The following USH2A variants were observed in gnomAD, a reference collection of about 807,000 sequenced individuals.
The protein encoded by USH2A is Usher syndrome 2A (autosomal recessive, mild).
USH2A carries 443 observed loss-of-function variants against 538.9 expected under a neutral mutation model. The ratio of observed to expected loss-of-function variants is 0.82; its 90% CI spans 0.76 to 0.89. USH2A has a LOEUF of 0.89. USH2A is among the 40% of genes least tolerant of loss of function. The pLI is 0.00. For missense variants in USH2A, 6,633 were observed against 6,324.8 expected, an observed-to-expected ratio of 1.05 and a Z score of -1.65; for synonymous variants, 2,413 against 2,273.5, an observed-to-expected ratio of 1.06 and a Z score of -1.75.
intron 32 of USH2A, among the ~76,000 whole-genome samples, chr1:216,010,929 A>G (rs1476910460): frequency 6.6e-6 from 1 of 152,038 alleles, no homozygotes; most frequent in Non-Finnish European, 1.5e-5. Context: ...TTGGCGACGG[A>G]TCATGCGCCC....
rs1341078203 is a variant in USH2A at position 216,190,268 on chromosome 1, C to A, written c.4351G>T (p.Gly1451Cys). 1.9e-6 allele frequency: 3 copies of A among 1,612,532 alleles called. No homozygotes were observed. The highest frequency in any genetic ancestry group is 2.5e-6 in the Non-Finnish European group (3 of 1,179,110). ...EFTITLCNSV[G>C]CVTSASGAGQ... ...GCTCCCGAAGCACTGGTCACACAAC[C>A]AACTGAATTGCAGAGAGTAATAGTA... The change falls in exon 20 of 72, where the codon GGT becomes TGT. Residue 1451 changes from glycine to cysteine, a missense_variant. Coordinates refer to ENST00000307340, the MANE Select transcript of USH2A (RefSeq NM_206933.4).
At chr1:215,959,105 C>A (rs1667137514) in intron 37 of USH2A, among the ~76,000 whole-genome samples, 1 of 151,926 alleles carries the variant, frequency 6.6e-6, no homozygotes, top group Admixed American at 6.6e-5. Context: ...ATCATCTGCT[C>A]TTGTGAGCTA....
At chr1:216,027,684 C>T (rs1160057291) in intron 32 of USH2A, among the ~76,000 whole-genome samples, 1 of 152,110 alleles carries the variant, frequency 6.6e-6, no homozygotes, top group Non-Finnish European at 1.5e-5. Context: ...TCCTCAAATT[C>T]ACTAGTTCAC....
intron 37 of USH2A, among the ~76,000 whole-genome samples, chr1:215,952,247 A>G (rs1310065666): frequency 2.0e-5 from 3 of 152,120 alleles, no homozygotes; most frequent in African/African-American, 4.8e-5. Flanking sequence ...ATCTTCCTCC[A>G]TCCCTTTATT....
At chr1:216,005,296 A>G (rs935619854) in intron 32 of USH2A, among the ~76,000 whole-genome samples, 1 of 152,112 alleles carries the variant, frequency 6.6e-6, no homozygotes, top group African/African-American at 2.4e-5. Flanking sequence ...ATTGAACAAT[A>G]TGGCCACCAT....
chr1:215,900,701 TTA>T (rs1665470512), intron 39 of USH2A, 52 bp downstream of exon 39: 8 of 1,611,704 alleles, frequency 5.0e-6, no homozygotes, highest in Middle Eastern at 1.7e-4. Context: ...TTCAAAAATG[TTA>T]TGTCTATATT....
intron 21 of USH2A, among the ~76,000 whole-genome samples, chr1:216,108,682 T>C (rs1399136314): frequency 1.3e-5 from 2 of 152,054 alleles, no homozygotes; most frequent in Non-Finnish European, 2.9e-5. Flanking sequence ...TACTTCATAA[T>C]GATATGTGTT....
intron 4 of USH2A, 49 bp downstream of exon 4, chr1:216,364,904 A>T (rs762236335): frequency 1.2e-6 from 2 of 1,608,836 alleles, no homozygotes; most frequent in Non-Finnish European, 1.7e-6. Context: ...CATTTTTAAG[A>T]ACAATGTAAT....
At chr1:216,094,101 C>A (rs1413855315) in intron 22 of USH2A, among the ~76,000 whole-genome samples, 1 of 152,140 alleles carries the variant, frequency 6.6e-6, no homozygotes, top group Non-Finnish European at 1.5e-5. Context: ...TCTCCAGATA[C>A]TAACAGGTTG....
chr1:215,873,929 T>C (rs1664686978), intron 43 of USH2A, among the ~76,000 whole-genome samples: 1 of 152,176 alleles, frequency 6.6e-6, no homozygotes, highest in Non-Finnish European at 1.5e-5. Flanking sequence ...ACAGTCAATA[T>C]TTTCTCTATA....
rs770686242 is a variant in USH2A at position 216,199,839 on chromosome 1, C to G, written c.3599G>C (p.Gly1200Ala). 6.2e-7 allele frequency: 1 copy of G among 1,614,100 alleles called. No individual in the cohort carries two copies. The highest frequency in any genetic ancestry group is 8.5e-7 in the Non-Finnish European group (1 of 1,179,994). The change falls in exon 17 of 72, where the codon GGT becomes GCT. Residue 1200 changes from glycine (G) to alanine (A), a missense_variant. Coordinates refer to ENST00000307340, the MANE Select transcript of USH2A (RefSeq NM_206933.4). Reference protein sequence around the residue: ...AGGQPCVSYEGHETSATIWNL... With the variant: ...AGGQPCVSYEAHETSATIWNL... ...CCAGATGGTAGCTGAGGTTTCATGACCTTCGTAGGAAACACATGGCTGACC... is the reference window on the plus strand; with the variant it reads ...CCAGATGGTAGCTGAGGTTTCATGAGCTTCGTAGGAAACACATGGCTGACC...
intron 47 of USH2A, among the ~76,000 whole-genome samples, chr1:215,835,862 A>G (rs878885801): frequency 2.0e-5 from 3 of 151,702 alleles, no homozygotes; most frequent in Admixed American, 6.6e-5. Context: ...TTGTGTTGCA[A>G]TCTCTTTTCT....
intron 54 of USH2A, among the ~76,000 whole-genome samples, chr1:215,781,489 C>G (rs1571680697): frequency 6.6e-6 from 1 of 151,946 alleles, no homozygotes; most frequent in Admixed American, 6.6e-5. Flanking sequence ...AATTGAGTAC[C>G]AAGTTTTGTA....
chr1:216,338,797 TA>T (rs1308904962), intron 4 of USH2A, among the ~76,000 whole-genome samples: 1 of 151,598 alleles, frequency 6.6e-6, no homozygotes, highest in African/African-American at 2.4e-5. Flanking sequence ...TTTTAATAGT[TA>T]CTAAAGAAAT....
chr1:215,678,992 G>T (rs1293426799), intron 62 of USH2A, among the ~76,000 whole-genome samples: 2 of 152,192 alleles, frequency 1.3e-5, no homozygotes. Flanking sequence ...GGGTGCCTTG[G>T]GGCCGTGATT....
chr1:215,716,254 C>T (rs1659482321), intron 61 of USH2A, among the ~76,000 whole-genome samples: 1 of 152,226 alleles, frequency 6.6e-6, no homozygotes. Flanking sequence ...AAACTGAGCC[C>T]AATTAATTTT....
chr1:215,952,843 T>C (rs1666957196), intron 37 of USH2A, among the ~76,000 whole-genome samples: 1 of 149,522 alleles, frequency 6.7e-6, no homozygotes, highest in Non-Finnish European at 1.5e-5. Flanking sequence ...TTGGTGAATC[T>C]GACAATTATG....
chr1:215,998,265 T>C (rs1399711052), intron 34 of USH2A, among the ~76,000 whole-genome samples: 1 of 152,110 alleles, frequency 6.6e-6, no homozygotes, highest in Admixed American at 6.5e-5. Flanking sequence ...AAGGAATTAC[T>C]GAGTATAAAT....
chr1:216,400,975 G>T (rs1159101784), intron 3 of USH2A, among the ~76,000 whole-genome samples: 2 of 152,162 alleles, frequency 1.3e-5, no homozygotes, highest in Admixed American at 6.5e-5. Context: ...GATAATAAAA[G>T]CTTCAGAACT....
Sources: allele counts gnomAD v4.1 joint callset (sites outside exome capture counted in the v4.1 genomes callset), GRCh38; gene constraint gnomAD v4.1.1; transcripts MANE v1.5; gene names NCBI Gene and HGNC (gene_info 2026-07-23, HGNC 2026-07-21).